CA10: variants seen among roughly 807,000 people sequenced by gnomAD.
CA10 encodes the protein carbonic anhydrase-related protein 10.
CA10 carries 14 observed loss-of-function variants against 44.2 expected under a neutral mutation model. The observed-to-expected ratio is 0.32, with a 90% CI of 0.21 to 0.50. The LOEUF is 0.50. Among genes scored for constraint, CA10 ranks in the 20% least tolerant of loss-of-function variants. The pLI is 0.99. For missense variants in CA10, 350 were observed against 409.7 expected (o/e 0.85, Z 1.26); for synonymous variants, 159 against 141.6 (o/e 1.12, Z -0.87).
chr17:52,005,192 C>T (rs1390090043), intron 2 of CA10, among the ~76,000 whole-genome samples: 1 of 151,832 alleles, frequency 6.6e-6, no homozygotes, highest in Non-Finnish European at 1.5e-5. Flanking sequence ...CCTTTAGGAC[C>T]TTAATGATTC....
At chr17:52,015,279 A>T (rs1985932016) in intron 2 of CA10, among the ~76,000 whole-genome samples, 1 of 152,050 alleles carries the variant, frequency 6.6e-6, no homozygotes, top group Admixed American at 6.6e-5. Context: ...AACTGACATC[A>T]TGCCGGGGTT....
chr17:52,120,530 G>A (rs991246442), intron 1 of CA10, among the ~76,000 whole-genome samples: 5 of 152,132 alleles, frequency 3.3e-5, no homozygotes, highest in African/African-American at 7.2e-5. Flanking sequence ...GCATTTAGAT[G>A]TACTTCTTTA....
chr17:51,836,620 A>G (rs376986055), intron 3 of CA10, among the ~76,000 whole-genome samples: 3 of 152,210 alleles, frequency 2.0e-5, no homozygotes, highest in African/African-American at 7.2e-5. Flanking sequence ...AGAAAAAGAC[A>G]TGGGTTCATG....
At chr17:51,753,846 T>G (rs1239922247) in intron 3 of CA10, among the ~76,000 whole-genome samples, 2 of 152,094 alleles carry the variant, frequency 1.3e-5, no homozygotes, top group East Asian at 3.9e-4. Flanking sequence ...TTGTGCAGTT[T>G]TTGTTTCTGT....
chr17:51,767,484 A>C (rs1905429943), intron 3 of CA10, among the ~76,000 whole-genome samples: 1 of 152,188 alleles, frequency 6.6e-6, no homozygotes, highest in African/African-American at 2.4e-5. Flanking sequence ...ATTTGTTACA[A>C]CTAATAAGGT....
intron 4 of CA10, among the ~76,000 whole-genome samples, chr17:51,660,710 G>A (rs1225974337): frequency 1.3e-5 from 2 of 152,144 alleles, no homozygotes; most frequent in Non-Finnish European, 2.9e-5. Context: ...CACACGTGGC[G>A]TTCACAGTGA....
At chr17:51,993,938 C>T (rs1218322538) in intron 2 of CA10, among the ~76,000 whole-genome samples, 1 of 151,956 alleles carries the variant, frequency 6.6e-6, no homozygotes, top group African/African-American at 2.4e-5. Flanking sequence ...GATAAGGAAC[C>T]AGTAGTTACT....
intron 4 of CA10, among the ~76,000 whole-genome samples, chr17:51,707,880 C>T (rs955617847): frequency 3.9e-5 from 6 of 152,084 alleles, no homozygotes; most frequent in Non-Finnish European, 7.4e-5. Context: ...CAGAACTCAT[C>T]GGGCTTCTCC....
chr17:51,886,506 T>C (rs1192007690), intron 3 of CA10, among the ~76,000 whole-genome samples: 2 of 152,160 alleles, frequency 1.3e-5, no homozygotes, highest in African/African-American at 4.8e-5. Flanking sequence ...CAGGAAAATA[T>C]GAGAATACTA....
intron 3 of CA10, among the ~76,000 whole-genome samples, chr17:51,881,167 G>A (rs975159766): frequency 1.3e-5 from 2 of 149,384 alleles, no homozygotes; most frequent in Admixed American, 1.3e-4. Context: ...GTGAACCTGG[G>A]AGGCGGAGCT....
intron 4 of CA10, among the ~76,000 whole-genome samples, chr17:51,656,103 A>AAAC (rs1412656239): frequency 6.6e-6 from 1 of 152,186 alleles, no homozygotes; most frequent in African/African-American, 2.4e-5. Flanking sequence ...AATGAGAACA[A>AAAC]AACACACCCT....
At chr17:51,885,914 T>C (rs562578250) in intron 3 of CA10, among the ~76,000 whole-genome samples, 1 of 152,350 alleles carries the variant, frequency 6.6e-6, no homozygotes, top group Admixed American at 6.5e-5. Context: ...CCAGGATATA[T>C]GTACTACATA....
At chr17:52,089,871 G>T (rs1988214374) in intron 1 of CA10, among the ~76,000 whole-genome samples, 1 of 151,786 alleles carries the variant, frequency 6.6e-6, no homozygotes, top group Non-Finnish European at 1.5e-5. Flanking sequence ...GGAGAGATGG[G>T]GAATACAATT....
intron 3 of CA10, among the ~76,000 whole-genome samples, chr17:51,751,493 T>C (rs1379669947): frequency 1.3e-5 from 2 of 152,244 alleles, no homozygotes; most frequent in African/African-American, 4.8e-5. Flanking sequence ...GATAATTAAC[T>C]AATATATGTG....
chr17:51,769,619 A>G (rs368191176), intron 3 of CA10, among the ~76,000 whole-genome samples: 47 of 152,270 alleles, frequency 3.1e-4, no homozygotes, highest in South Asian at 1.7e-3. Context: ...GCTCACATAA[A>G]TCCTATGAGA....
intron 2 of CA10, among the ~76,000 whole-genome samples, chr17:52,050,428 C>T (rs143243626): frequency 2.0e-5 from 3 of 152,134 alleles, no homozygotes; most frequent in African/African-American, 7.2e-5. Context: ...CATGCTTGCC[C>T]TTTTCTAGTT....
chr17:51,644,764 C>T (rs1034861455), intron 6 of CA10, among the ~76,000 whole-genome samples: 3 of 150,738 alleles, frequency 2.0e-5, no homozygotes, highest in African/African-American at 7.3e-5. Context: ...CATAAAACAT[C>T]AGATATATTA....
At chr17:51,667,035 A>G (rs1314867517) in intron 4 of CA10, among the ~76,000 whole-genome samples, 1 of 152,260 alleles carries the variant, frequency 6.6e-6, no homozygotes, top group East Asian at 1.9e-4. Flanking sequence ...AAAAGCAATG[A>G]TTCAGGAACT....
intron 2 of CA10, among the ~76,000 whole-genome samples, chr17:52,057,311 C>T (rs1053239047): frequency 9.2e-5 from 14 of 152,136 alleles, no homozygotes; most frequent in African/African-American, 3.1e-4. Flanking sequence ...CATAACCAAC[C>T]CTTCCTCTTT....
Sources: allele counts gnomAD v4.1 joint callset (sites outside exome capture counted in the v4.1 genomes callset), GRCh38; gene constraint gnomAD v4.1.1; transcripts MANE v1.5; gene names NCBI Gene and HGNC (gene_info 2026-07-23, HGNC 2026-07-21).